IFT88: variants seen among roughly 807,000 people sequenced by gnomAD.
The protein encoded by IFT88 is intraflagellar transport 88, also known as intraflagellar transport protein 88 homolog.
IFT88 carries 74 observed loss-of-function variants against 119.5 expected under a neutral mutation model. The observed-to-expected ratio is 0.62, with a 90% confidence interval of 0.51 to 0.75. The LOEUF is 0.75. Ranked by LOEUF, IFT88 falls within the 30% of genes least tolerant of loss-of-function variation. IFT88 has a pLI of 0.00. For synonymous variants in IFT88, 279 were observed against 316.7 expected, an observed-to-expected ratio of 0.88 and a Z score of 1.26; for missense variants, 961 against 977.7, an observed-to-expected ratio of 0.98 and a Z score of 0.23.
chr13:20,619,289 C>T (rs891298160), intron 14 of IFT88, among the ~76,000 whole-genome samples: 1 of 152,124 alleles, frequency 6.6e-6, no homozygotes, highest in African/African-American at 2.4e-5. Context: ...AAGAATAGAA[C>T]ATTGTTAGCA....
At chr13:20,677,784 A>G (rs1014371549) in intron 24 of IFT88, among the ~76,000 whole-genome samples, 2 of 152,228 alleles carry the variant, frequency 1.3e-5, no homozygotes, top group Admixed American at 1.3e-4. Context: ...AAAAGCTTTT[A>G]CAAAGTGTCT....
chr13:20,688,335 G>A (rs1190178771), intron 24 of IFT88, among the ~76,000 whole-genome samples: 2 of 152,112 alleles, frequency 1.3e-5, no homozygotes, highest in African/African-American at 2.4e-5. Flanking sequence ...CAACAAGAGC[G>A]AAACTCCATC....
chr13:20,592,209 A>T (rs1009584390), intron 6 of IFT88, 126 bp from the exon 7 acceptor site: 2 of 700,150 alleles, frequency 2.9e-6, no homozygotes, highest in Middle Eastern at 5.1e-4. Context: ...CCATTTAATA[A>T]ATAGATAATT....
At chr13:20,687,775 A>G (rs1009766027) in intron 24 of IFT88, among the ~76,000 whole-genome samples, 1 of 152,212 alleles carries the variant, frequency 6.6e-6, no homozygotes, top group Non-Finnish European at 1.5e-5. Flanking sequence ...AAATGAAAAA[A>G]ACTTCAAAAA....
intron 12 of IFT88, among the ~76,000 whole-genome samples, chr13:20,603,393 A>C (rs1269698698): frequency 6.6e-6 from 1 of 152,026 alleles, no homozygotes; most frequent in Non-Finnish European, 1.5e-5. Context: ...TCTCAAAAAA[A>C]AAAAAAAAAA....
rs147476346 is a variant in IFT88 at position 20,630,836 on chromosome 13, A to G, written c.1300-180A>G. 2.1e-3 allele frequency among the ~76,000 whole-genome samples: 321 copies of G among 152,196 alleles called. 1 individual carries two copies. Among genetic ancestry groups the G allele is most frequent in the African/African-American group, 7.1e-3 (293 of 41,520 alleles). On this transcript the variant is annotated intron_variant, in intron 15 of 25. Coordinates refer to ENST00000351808, the MANE Select transcript of IFT88 (RefSeq NM_006531.5). ...CAGAATTTCCATTTTATTCTTTTTT[A>G]TAAATTCTAATTCTCAAATGAAATT...
chr13:20,640,447 C>T (rs2049728645), intron 17 of IFT88, among the ~76,000 whole-genome samples: 1 of 151,974 alleles, frequency 6.6e-6, no homozygotes, highest in Non-Finnish European at 1.5e-5. Flanking sequence ...ATGGCGGGCG[C>T]CTGTAGTCCC....
At chr13:20,607,352 A>G (rs900118868) in intron 13 of IFT88, 6 of 540,824 alleles carry the variant, frequency 1.1e-5, no homozygotes, top group African/African-American at 5.7e-5. Flanking sequence ...GAAGGTGCCC[A>G]TGTCCTATGC....
intron 2 of IFT88, among the ~76,000 whole-genome samples, chr13:20,581,836 G>A (rs1331312727): frequency 7.3e-6 from 1 of 137,620 alleles, no homozygotes; most frequent in African/African-American, 2.7e-5. Flanking sequence ...TTGGAGGTTG[G>A]AGTGAAACCC....
intron 3 of IFT88, among the ~76,000 whole-genome samples, chr13:20,589,356 C>T (rs949030653): frequency 2.0e-5 from 3 of 151,964 alleles, no homozygotes; most frequent in African/African-American, 4.8e-5. Flanking sequence ...TTTTGTGATC[C>T]GTATACTTTG....
intron 23 of IFT88, among the ~76,000 whole-genome samples, chr13:20,664,783 TAAAG>T (rs1254925388): frequency 1.3e-5 from 2 of 151,270 alleles, no homozygotes; most frequent in African/African-American, 4.9e-5. Flanking sequence ...AAAAAGAAAA[TAAAG>T]AAATAATAGA....
chr13:20,645,199 C>T (rs1168199828), intron 20 of IFT88, among the ~76,000 whole-genome samples: 3 of 152,170 alleles, frequency 2.0e-5, no homozygotes, highest in African/African-American at 4.8e-5. Context: ...AAGCGATTCT[C>T]CTGCCTCAGC....
intron 4 of IFT88, among the ~76,000 whole-genome samples, chr13:20,590,303 GAT>G (rs540282254): frequency 6.6e-6 from 1 of 152,076 alleles, no homozygotes; most frequent in Non-Finnish European, 1.5e-5. Context: ...TTGGAGGAAA[GAT>G]ATATCAAACT....
chr13:20,614,914 C>T (rs2045340251), intron 13 of IFT88, among the ~76,000 whole-genome samples: 1 of 151,082 alleles, frequency 6.6e-6, no homozygotes, highest in African/African-American at 2.4e-5. Flanking sequence ...ATCCCAGGTT[C>T]ATGCCATTCT....
At chr13:20,588,548 C>T (rs935919545) in intron 3 of IFT88, among the ~76,000 whole-genome samples, 1 of 152,150 alleles carries the variant, frequency 6.6e-6, no homozygotes. Flanking sequence ...AGACACTAGC[C>T]ACATGAAACT....
chr13:20,593,479 A>G (rs2041084843), intron 7 of IFT88, among the ~76,000 whole-genome samples: 1 of 151,406 alleles, frequency 6.6e-6, no homozygotes, highest in African/African-American at 2.4e-5. Context: ...TAGTCACTAT[A>G]CTGTTTTGCT....
chr13:20,660,706 G>C lies in IFT88; in HGVS notation c.2069-2792G>C, dbSNP rs114851910. ...GAGGGAGAGAGTGTCAAGGGTAATT[G>C]CACAAATATAGCTCTGGGAGCTGGA... On this transcript the variant is annotated intron_variant, in intron 22 of 25. Transcript: ENST00000351808. Among the ~76,000 whole-genome samples, 778 of 152,286 alleles carry C rather than the reference G, an allele frequency of 5.1e-3. 10 individuals carry two copies. The highest frequency in any genetic ancestry group is 0.018 in the African/African-American group (736 of 41,552).
At chr13:20,591,066 TG>T in intron 5 of IFT88, 46 bp downstream of exon 5, 1 of 1,344,842 alleles carries the variant, frequency 7.4e-7, no homozygotes. Flanking sequence ...TCTTGTGACT[TG>T]GAATTTACTA....
intron 24 of IFT88, among the ~76,000 whole-genome samples, chr13:20,677,771 C>A (rs1351901102): frequency 1.3e-5 from 2 of 151,974 alleles, no homozygotes; most frequent in African/African-American, 4.8e-5. Flanking sequence ...GAGAGACAGA[C>A]CAAAAAGCTT....
Sources: gnomAD v4.1 joint callset for allele counts (sites outside exome capture counted in the v4.1 genomes callset) on GRCh38, gnomAD v4.1.1 for gene constraint, MANE v1.5 for transcripts, NCBI Gene and HGNC (gene_info 2026-07-23, HGNC 2026-07-21) for gene names.